Variants in ZNF385D observed in about 807,000 individuals in gnomAD.
ZNF385D encodes zinc finger protein 659.
In ZNF385D, 15 loss-of-function variants were observed where a neutral mutation model predicts 35.8. The ratio of observed to expected loss-of-function variants is 0.42; its 90% CI spans 0.28 to 0.64. ZNF385D has a LOEUF of 0.64. Among genes scored for constraint, ZNF385D ranks in the 30% least tolerant of loss-of-function variants. The probability of loss-of-function intolerance (pLI) is 0.23; values close to 1 mark genes in which losing one functional copy is unlikely to be tolerated. For synonymous variants in ZNF385D, 212 were observed against 186.8 expected (o/e 1.13, Z -1.10); for missense variants, 474 against 494.6 (o/e 0.96, Z 0.39).
At chr3:21,938,748 C>A (rs897348300) in intron 3 of ZNF385D, among the ~76,000 whole-genome samples, 2 of 152,184 alleles carry the variant, frequency 1.3e-5, no homozygotes, top group South Asian at 4.1e-4. Context: ...ACACCCCCAC[C>A]TTCTATGTCC....
In ZNF385D at chr3:21,538,244, G is replaced by T. The variant is rs924141328; in HGVS notation, c.276+26330C>A. Among the ~76,000 whole-genome samples the T allele has an allele frequency of 1.5e-4, 23 of 152,212 alleles. 1 individual carries two copies. Among genetic ancestry groups the T allele is most frequent in the Admixed American group, 1.1e-3 (17 of 15,304 alleles). ...ATTGAGTGAGCAGGCAAATATCTGA[G>T]TATGGAGTTGAGGGAGAGAATCAGC... is the stretch of plus-strand genomic sequence containing the variant. On this transcript the variant is annotated intron_variant, in intron 3 of 7. Transcript: ENST00000281523.
intron 1 of ZNF385D, among the ~76,000 whole-genome samples, chr3:21,723,105 G>A (rs371377513): frequency 6.6e-6 from 1 of 152,138 alleles, no homozygotes; most frequent in African/African-American, 2.4e-5. Flanking sequence ...AGCTAACAAA[G>A]AGAAAGGAAG....
chr3:21,510,450 G>T (rs948239309), intron 4 of ZNF385D, among the ~76,000 whole-genome samples: 1 of 152,116 alleles, frequency 6.6e-6, no homozygotes, highest in Non-Finnish European at 1.5e-5. Flanking sequence ...TGCCCTTATT[G>T]GGGCCTTCTC....
intron 3 of ZNF385D, chr3:21,959,034 A>G (rs1243199485): frequency 3.3e-5 from 5 of 152,158 alleles, no homozygotes; most frequent in Non-Finnish European, 7.4e-5. Context: ...GGTTTCTGGT[A>G]TTTGTTGTTT....
In ZNF385D at chr3:22,087,071, G is replaced by A. The variant is rs567141754; in HGVS notation, c.325+81746C>T. Among the ~76,000 whole-genome samples, 5 of 152,120 alleles carry A rather than the reference G, an allele frequency of 3.3e-5. No homozygotes were observed. The South Asian group carries it at 8.3e-4, about 25-fold the overall frequency. On this transcript the variant is annotated intron_variant, in intron 3 of 5. Transcript: ENST00000494108. The stretch of plus-strand genomic sequence containing the variant: ...ACGCACATGTACCCTAGAACTTAAA[G>A]TACAATAAAAAGAAAAAAAGAATTT...
chr3:22,221,537 T>C (rs759413329), intron 2 of ZNF385D, among the ~76,000 whole-genome samples: 1 of 152,184 alleles, frequency 6.6e-6, no homozygotes, highest in Non-Finnish European at 1.5e-5. Flanking sequence ...ACAGAGGCAA[T>C]TTTGATAAAA....
intron 3 of ZNF385D, among the ~76,000 whole-genome samples, chr3:21,804,370 G>C (rs2072540330): frequency 6.6e-6 from 1 of 152,170 alleles, no homozygotes; most frequent in Non-Finnish European, 1.5e-5. Flanking sequence ...AACAGGGGTG[G>C]TGGTAGCAGT....
At chr3:22,329,272 C>T (rs1273430968) in intron 2 of ZNF385D, among the ~76,000 whole-genome samples, 1 of 151,910 alleles carries the variant, frequency 6.6e-6, no homozygotes, top group Non-Finnish European at 1.5e-5. Context: ...TATTTCTTCT[C>T]TTTCTTGAGT....
At chr3:21,979,243 C>T (rs186215759) in intron 3 of ZNF385D, among the ~76,000 whole-genome samples, 1 of 151,890 alleles carries the variant, frequency 6.6e-6, no homozygotes, top group African/African-American at 2.4e-5. Context: ...TATAACTGCA[C>T]CAAACAGAAG....
intron 3 of ZNF385D, among the ~76,000 whole-genome samples, chr3:21,909,594 C>G (rs1273045637): frequency 5.3e-5 from 8 of 151,582 alleles, no homozygotes; most frequent in Non-Finnish European, 8.9e-5. Flanking sequence ...CTTATCATCT[C>G]CAACTCAAGG....
At chr3:21,824,830 T>C (rs1694497629) in intron 3 of ZNF385D, among the ~76,000 whole-genome samples, 1 of 152,158 alleles carries the variant, frequency 6.6e-6, no homozygotes. Context: ...CTGAAGTTCC[T>C]TGATGACTGT....
chr3:21,766,619 A>T (rs2070841948), intron 3 of ZNF385D, among the ~76,000 whole-genome samples: 1 of 152,162 alleles, frequency 6.6e-6, no homozygotes, highest in African/African-American at 2.4e-5. Context: ...AACATTTATT[A>T]AACCAGTATT....
intron 3 of ZNF385D, among the ~76,000 whole-genome samples, chr3:22,066,305 A>AGTGTGTGTGT (rs539082347): frequency 9.5e-5 from 11 of 116,080 alleles, no homozygotes; most frequent in African/African-American, 4.2e-4. Context: ...GTAGCTAAGG[A>AGTGTGTGTGT]GTGTGTGTGT....
chr3:22,240,858 C>T (rs2728952), intron 2 of ZNF385D, among the ~76,000 whole-genome samples: 131,478 of 150,688 alleles, frequency 0.87, 58,052 homozygotes, highest in East Asian at 1. Flanking sequence ...CTTACCTACA[C>T]AGATCTAATC....
chr3:21,833,765 A>G (rs573666823), intron 3 of ZNF385D, among the ~76,000 whole-genome samples: 1 of 152,308 alleles, frequency 6.6e-6, no homozygotes, highest in South Asian at 2.1e-4. Flanking sequence ...AACCCAATCA[A>G]TTAATCTCCC....
At chr3:21,804,996 G>C (rs1432462185) in intron 3 of ZNF385D, among the ~76,000 whole-genome samples, 1 of 152,128 alleles carries the variant, frequency 6.6e-6, no homozygotes, top group Non-Finnish European at 1.5e-5. Flanking sequence ...GATTCCTATT[G>C]AACCCTGGAG....
intron 3 of ZNF385D, among the ~76,000 whole-genome samples, chr3:21,944,422 G>A (rs974909962): frequency 2.0e-5 from 3 of 152,280 alleles, no homozygotes; most frequent in East Asian, 1.9e-4. Flanking sequence ...AACTTTGTCC[G>A]AGCACCAATA....
At chr3:22,088,784 G>A (rs939266268) in intron 3 of ZNF385D, among the ~76,000 whole-genome samples, 1 of 152,192 alleles carries the variant, frequency 6.6e-6, no homozygotes, top group Middle Eastern at 3.4e-3. Flanking sequence ...AGACAACACT[G>A]CAGTAAGATT....
At chr3:21,808,876 C>A (rs533996333) in intron 3 of ZNF385D, among the ~76,000 whole-genome samples, 8 of 152,096 alleles carry the variant, frequency 5.3e-5, no homozygotes, top group Non-Finnish European at 1.2e-4. Context: ...TGGGTAGCAC[C>A]AAAGTAGGAC....
Sources: allele counts gnomAD v4.1 joint callset (sites outside exome capture counted in the v4.1 genomes callset), GRCh38; gene constraint gnomAD v4.1.1; transcripts MANE v1.5; gene names NCBI Gene and HGNC (gene_info 2026-07-23, HGNC 2026-07-21).